DZIP3: variants seen among roughly 807,000 people sequenced by gnomAD.
DZIP3 encodes E3 ubiquitin-protein ligase DZIP3.
DZIP3 carries 118 observed loss-of-function variants against 162.0 expected under a neutral mutation model. The ratio of observed to expected loss-of-function variants is 0.73; its 90% confidence interval spans 0.63 to 0.85. The LOEUF (loss-of-function observed/expected upper bound fraction) is 0.85, where lower values mean the gene tolerates loss of function less well. Among genes scored for constraint, DZIP3 ranks in the 40% least tolerant of loss-of-function variants. The pLI is 0.00. For synonymous variants in DZIP3, 438 were observed against 458.6 expected (o/e 0.96, Z 0.57); for missense variants, 1,331 against 1,407.0 (o/e 0.95, Z 0.86).
At chr3:108,688,787 A>G in intron 30 of DZIP3, 36 bp from the exon 31 acceptor site, 1 of 1,613,926 alleles carries the variant, frequency 6.2e-7, no homozygotes. Flanking sequence ...GGAGAAAACA[A>G]TGAGCTAAAT....
rs1161616091 is a variant in DZIP3 at position 108,643,998 on chromosome 3, A to G, written c.1142-166A>G. Reference sequence around the variant, plus strand: ...TTTTTGTTTAGGTTTTTTGACAGGCAGAAAGCAGCATGCTAATTGAGCACT... The same window carrying G: ...TTTTTGTTTAGGTTTTTTGACAGGCGGAAAGCAGCATGCTAATTGAGCACT... On this transcript the variant is annotated intron_variant, in intron 13 of 32. Coordinates refer to ENST00000361582, the MANE Select transcript of DZIP3 (RefSeq NM_014648.4). Among the ~76,000 whole-genome samples the G allele has an allele frequency of 2.6e-5, 4 of 152,192 alleles. No individual in the cohort carries two copies. The East Asian group carries it at 7.7e-4, about 29-fold the overall frequency.
rs1941036689 is a variant in DZIP3, at chr3:108,616,687, T to C, written c.375+30T>C. The C allele has an allele frequency of 2.7e-6, 4 of 1,460,848 alleles. No homozygotes were observed. The South Asian group carries it at 3.6e-5, about 13-fold the overall frequency. The allele number at this position is 1,460,848 out of a possible 1,614,324, so 90.5% of individuals were successfully genotyped here. A position where few individuals can be genotyped will look rare whatever the true frequency, so the allele number is the denominator to read the frequency against. ...GTGTTTTCTTTTTGGAAATTTGATA[T>C]AATGGACTTGGTCAACATTTCTCAG... On this transcript the variant is annotated intron_variant, in intron 5 of 32. Coordinates refer to ENST00000361582, the MANE Select transcript of DZIP3 (RefSeq NM_014648.4).
chr3:108,655,336 G>T (rs1056527975), intron 19 of DZIP3, among the ~76,000 whole-genome samples: 1 of 152,134 alleles, frequency 6.6e-6, no homozygotes, highest in Non-Finnish European at 1.5e-5. Flanking sequence ...AAGTGTTTGG[G>T]CAATTAAGAC....
intron 26 of DZIP3, among the ~76,000 whole-genome samples, chr3:108,679,174 A>T (rs1266578054): frequency 1.3e-5 from 2 of 152,108 alleles, no homozygotes; most frequent in African/African-American, 4.8e-5. Flanking sequence ...CTGTCCTTAG[A>T]TTGTAGTTAA....
At position 108,688,989 on chromosome 3, in the gene DZIP3, A is replaced by G. The variant is rs140497406; in HGVS notation, c.3516+65A>G. 2.1e-6 allele frequency: 3 copies of G among 1,422,154 alleles called. No homozygotes were observed. In the East Asian group the frequency reaches 7.0e-5, roughly 33 times the overall value. The allele number at this position is 1,422,154 out of a possible 1,614,324, so 88.1% of individuals were successfully genotyped here. ...TTCATACTGCCTTACTTATTATCAT[A>G]TACATGTATCATTATCCATTGTTGT... On this transcript the variant is annotated intron_variant, in intron 31 of 32. Coordinates refer to ENST00000361582, the MANE Select transcript of DZIP3 (RefSeq NM_014648.4).
At chr3:108,636,866 A>G (rs1181049670) in intron 11 of DZIP3, among the ~76,000 whole-genome samples, 158 bp downstream of exon 11, 1 of 151,852 alleles carries the variant, frequency 6.6e-6, no homozygotes, top group Non-Finnish European at 1.5e-5. Flanking sequence ...ACCATGATTT[A>G]TACAAAGTAA....
chr3:108,642,871 G>T (rs1482687194), intron 13 of DZIP3, among the ~76,000 whole-genome samples: 3 of 152,120 alleles, frequency 2.0e-5, no homozygotes, highest in Admixed American at 1.3e-4. Context: ...TGAAAGGAAT[G>T]AACATTTTGA....
chr3:108,689,122 A>G (rs1463209325), intron 31 of DZIP3, among the ~76,000 whole-genome samples, 198 bp downstream of exon 31: 1 of 152,170 alleles, frequency 6.6e-6, no homozygotes, highest in Non-Finnish European at 1.5e-5. Context: ...TCAGATCTCC[A>G]TCCACCCTAC....
At chr3:108,642,776 T>A (rs1942458489) in intron 13 of DZIP3, among the ~76,000 whole-genome samples, 4 of 152,178 alleles carry the variant, frequency 2.6e-5, no homozygotes, top group Admixed American at 2.6e-4. Context: ...ACCGTGGGAT[T>A]GTGTTCCAGC....
At chr3:108,639,797 C>A (rs1942309891) in intron 12 of DZIP3, among the ~76,000 whole-genome samples, 2 of 149,908 alleles carry the variant, frequency 1.3e-5, no homozygotes, top group Non-Finnish European at 3.0e-5. Context: ...GATGTTTGTT[C>A]TTTGTAATTT....
intron 26 of DZIP3, among the ~76,000 whole-genome samples, chr3:108,683,293 ATC>A (rs36036520): frequency 0.048 from 6,938 of 144,920 alleles, 735 homozygotes; most frequent in African/African-American, 0.16. Flanking sequence ...TGTTTAAAAA[ATC>A]TCTTTTTCTT....
chr3:108,669,153 A>G (rs1439308273), intron 21 of DZIP3, among the ~76,000 whole-genome samples: 1 of 151,954 alleles, frequency 6.6e-6, no homozygotes, highest in East Asian at 1.9e-4. Flanking sequence ...AGATCATGTG[A>G]GTGACCCCCA....
intron 1 of DZIP3, among the ~76,000 whole-genome samples, chr3:108,600,694 G>T (rs529312507): frequency 6.6e-6 from 1 of 152,114 alleles, no homozygotes. Flanking sequence ...TATGAAAATG[G>T]TGATGATAGG....
intron 1 of DZIP3, among the ~76,000 whole-genome samples, chr3:108,598,132 A>T (rs1939804215): frequency 6.6e-6 from 1 of 152,192 alleles, no homozygotes; most frequent in African/African-American, 2.4e-5. Flanking sequence ...TTCATTTCTG[A>T]GTATGCATAT....
At chr3:108,593,115 A>T (rs1939520193) in intron 1 of DZIP3, among the ~76,000 whole-genome samples, 1 of 152,224 alleles carries the variant, frequency 6.6e-6, no homozygotes, top group African/African-American at 2.4e-5. Flanking sequence ...TTTCACATTT[A>T]TATATTTTAT....
chr3:108,609,781 C>T (rs1461564664), intron 3 of DZIP3, among the ~76,000 whole-genome samples: 3 of 152,162 alleles, frequency 2.0e-5, no homozygotes, highest in Admixed American at 6.5e-5. Flanking sequence ...GTCAAGGCTG[C>T]AGTGAGCCGT....
chr3:108,623,010 C>G (rs1463514218), intron 5 of DZIP3, among the ~76,000 whole-genome samples: 1 of 151,562 alleles, frequency 6.6e-6, no homozygotes, highest in Non-Finnish European at 1.5e-5. Context: ...CTTGCTCAAA[C>G]CCTATGGTGA....
rs760697678 is a variant in DZIP3 at position 108,637,505 on chromosome 3, G to C, written c.1021G>C (p.Val341Leu). The C allele has an allele frequency of 1.4e-5, 23 of 1,610,562 alleles. No homozygotes were observed. The highest frequency in any genetic ancestry group is 1.9e-5 in the Non-Finnish European group (22 of 1,178,690). ...TCCCCATTACTTGCAGTTTGAAGTT[G>C]TGAGAAAGGATGAATATATCACCAT... ...PGIVKILFEV[V>L]RKDEYITIEN... Residue 341 changes from valine to leucine, a missense_variant, in exon 12 of 33, where the codon GTG (valine) becomes CTG (leucine). Physicochemically the swap from Val to Leu is conservative, Grantham distance 32 (BLOSUM62 1). Around this residue, in one of 2 missense-constraint regions of DZIP3, gnomAD observed 1,278 missense variants for 1,317.1 expected, o/e 0.97. Coordinates refer to ENST00000361582, the MANE Select transcript of DZIP3 (RefSeq NM_014648.4).
chr3:108,659,158 CTGAT>C (rs1430793869), intron 19 of DZIP3, among the ~76,000 whole-genome samples: 1 of 152,120 alleles, frequency 6.6e-6, no homozygotes, highest in Non-Finnish European at 1.5e-5. Context: ...CAGCATCATC[CTGAT>C]AGCAAAGCCG....
Sources: allele counts gnomAD v4.1 joint callset (sites outside exome capture counted in the v4.1 genomes callset), GRCh38; gene constraint gnomAD v4.1.1; regional missense constraint gnomAD v4.1.1; transcripts MANE v1.5; gene names NCBI Gene and HGNC (gene_info 2026-07-23, HGNC 2026-07-21).